TMEM161B: variants seen among roughly 807,000 people sequenced by gnomAD.
TMEM161B encodes transmembrane protein 161B.
TMEM161B carries 34 observed loss-of-function variants against 61.8 expected under a neutral mutation model. The observed-to-expected ratio is 0.55, with a 90% CI of 0.42 to 0.73. The LOEUF is 0.73. Among genes scored for constraint, TMEM161B ranks in the 30% least tolerant of loss-of-function variants. The probability of loss-of-function intolerance (pLI) is 0.00; values close to 1 mark genes in which losing one functional copy is unlikely to be tolerated. For synonymous variants in TMEM161B, 167 were observed against 192.8 expected (o/e 0.87, Z 1.11); for missense variants, 456 against 558.5 (o/e 0.82, Z 1.85).
At chr5:88,243,082 CTTAT>C (rs1195931747) in intron 1 of TMEM161B, among the ~76,000 whole-genome samples, 5 of 151,656 alleles carry the variant, frequency 3.3e-5, no homozygotes, top group African/African-American at 7.3e-5. Context: ...GACCATTTTA[CTTAT>C]TTATTTAACT....
In TMEM161B at chr5:88,195,724, T is replaced by A; in HGVS notation, c.*487A>T. 1.0e-6 allele frequency: 1 copy of A among 986,706 alleles called. No homozygotes were observed. The allele number at this position is 986,706 out of a possible 1,614,324, so 61.1% of individuals were successfully genotyped here. On this transcript the variant is annotated 3_prime_UTR_variant, in exon 12 of 12. Coordinates refer to ENST00000296595, the MANE Select transcript of TMEM161B (RefSeq NM_153354.5). ...AGCTATCTCTTCCTTTCTGTTGGAT[T>A]TTATTGTTTCAAGAGTAACTAATAA... is the stretch of plus-strand genomic sequence containing the variant.
chr5:88,202,291 CTGTT>C (rs1029311196), intron 9 of TMEM161B: 9 of 279,262 alleles, frequency 3.2e-5, no homozygotes, highest in African/African-American at 1.3e-4. Flanking sequence ...TATTAATAAA[CTGTT>C]TGTTTCCTCA....
intron 1 of TMEM161B, among the ~76,000 whole-genome samples, chr5:88,268,518 G>T (rs555839499): frequency 4.6e-5 from 7 of 152,262 alleles, no homozygotes; most frequent in African/African-American, 1.7e-4. Context: ...CCTCCGGCCC[G>T]CTAGTCTCCC....
chr5:88,259,679 G>A (rs1755448265), intron 1 of TMEM161B, among the ~76,000 whole-genome samples: 1 of 152,202 alleles, frequency 6.6e-6, no homozygotes, highest in African/African-American at 2.4e-5. Flanking sequence ...AGTGGCAGAT[G>A]TGTTTGACAC....
At chr5:88,191,635 A>T (rs1321327320), downstream of TMEM161B, among the ~76,000 whole-genome samples, 1 of 152,080 alleles carries the variant, frequency 6.6e-6, no homozygotes, top group Non-Finnish European at 1.5e-5. Context: ...TTTTTCTCAT[A>T]ACACAGAGAA....
intron 2 of TMEM161B, among the ~76,000 whole-genome samples, chr5:88,234,062 G>T (rs546751659): frequency 3.4e-4 from 52 of 152,216 alleles, no homozygotes; most frequent in African/African-American, 1.2e-3. Context: ...GGATATGGAG[G>T]GGCTTTGTTT....
Position 88,205,989 on chromosome 5 carries a change from T to G in TMEM161B, c.660-35A>C, listed in dbSNP as rs983639397. On this transcript the variant is annotated intron_variant, in intron 7 of 11. Transcript: ENST00000296595. ...AAATTTTTTAAAAAGCTGATAAATTTTTATAATTAGCTTTTGAAGAATTTC... is the reference window on the plus strand; with the variant it reads ...AAATTTTTTAAAAAGCTGATAAATTGTTATAATTAGCTTTTGAAGAATTTC... The G allele has an allele frequency of 5.5e-6, 8 of 1,444,478 alleles. No individual in the cohort carries two copies. In the African/African-American group the frequency reaches 1.2e-4, roughly 21 times the overall value. The allele number at this position is 1,444,478 out of a possible 1,614,324, so 89.5% of individuals were successfully genotyped here.
chr5:88,198,941 G>C (rs201979142), intron 10 of TMEM161B, 35 bp downstream of exon 10: 73 of 1,529,864 alleles, frequency 4.8e-5, no homozygotes, highest in Non-Finnish European at 6.1e-5. Context: ...TGCGGTTTTT[G>C]CTATTTTTCA....
At chr5:88,240,728 T>C in intron 2 of TMEM161B, 85 bp downstream of exon 2, 1 of 1,094,190 alleles carries the variant, frequency 9.1e-7, no homozygotes, top group Non-Finnish European at 1.4e-6. Context: ...TTGTTAAAGT[T>C]TTAGAAACAG....
chr5:88,222,518 G>A (rs1313796789), intron 4 of TMEM161B, among the ~76,000 whole-genome samples: 2 of 151,784 alleles, frequency 1.3e-5, no homozygotes, highest in Non-Finnish European at 2.9e-5. Context: ...CTGGAAGGAG[G>A]TCAGGGAAGT....
intron 1 of TMEM161B, among the ~76,000 whole-genome samples, chr5:88,261,658 C>A: frequency 1.2e-5 from 1 of 84,890 alleles, no homozygotes; most frequent in African/African-American, 4.5e-5. Context: ...AGGGCACAGG[C>A]AATACAATGG....
Position 88,247,700 on chromosome 5 carries a change from A to G in TMEM161B, c.4-6784T>C, listed in dbSNP as rs144832092. On this transcript the variant is annotated intron_variant, in intron 1 of 11. Coordinates refer to ENST00000296595, the MANE Select transcript of TMEM161B (RefSeq NM_153354.5). ...AAAACTTAGAATTCACACTAGATGT[A>G]TTTAAACAAACCATCTTTGAACAAT... is the stretch of plus-strand genomic sequence containing the variant. 6.4e-3 allele frequency among the ~76,000 whole-genome samples: 981 copies of G among 152,232 alleles called. 9 individuals carry two copies. The highest frequency in any genetic ancestry group is 0.022 in the African/African-American group (918 of 41,548).
downstream of TMEM161B, among the ~76,000 whole-genome samples, chr5:88,189,284 A>AT (rs1393031183): frequency 2.0e-5 from 3 of 152,040 alleles, no homozygotes; most frequent in Admixed American, 2.0e-4. Flanking sequence ...CAAGTCCAAA[A>AT]TTTAAAAAAA....
At chr5:88,255,872 C>T (rs1370690350) in intron 1 of TMEM161B, among the ~76,000 whole-genome samples, 1 of 152,020 alleles carries the variant, frequency 6.6e-6, no homozygotes, top group Non-Finnish European at 1.5e-5. Context: ...TGCCTAGATA[C>T]ATTCTAAATT....
chr5:88,196,362 TGTGTAA>T lies in TMEM161B; in HGVS notation c.1307_1312del (p.Val436_Gln438delinsGlu). 1.2e-6 allele frequency: 2 copies of T among 1,613,418 alleles called. No individual in the cohort carries two copies. Among genetic ancestry groups the T allele is most frequent in the South Asian group, 2.2e-5 (2 of 91,062 alleles). On this transcript the variant is annotated inframe_deletion, in exon 12 of 12. Coordinates refer to ENST00000296595, the MANE Select transcript of TMEM161B (RefSeq NM_153354.5). ...TAAGCTGCTCAGTGCCACTGTTATTTGTGTAACAGTTACCTTCATTTTCCCTTCAGC... is the reference window on the plus strand; with the variant it reads ...TAAGCTGCTCAGTGCCACTGTTATTTCAGTTACCTTCATTTTCCCTTCAGC...
At chr5:88,202,311 T>A (rs3099435) in intron 9 of TMEM161B, 138,311 of 260,384 alleles carry the variant, frequency 0.53, 40,480 homozygotes, top group East Asian at 0.77. Context: ...CCTCACCATC[T>A]TCTTCTGCTA....
intron 1 of TMEM161B, among the ~76,000 whole-genome samples, chr5:88,253,615 CT>C (rs1754622499): frequency 6.6e-6 from 1 of 152,078 alleles, no homozygotes; most frequent in Non-Finnish European, 1.5e-5. Flanking sequence ...TCTGCAAGTA[CT>C]TGGAAATAAT....
chr5:88,254,830 C>G (rs1201231127), intron 1 of TMEM161B, among the ~76,000 whole-genome samples: 1 of 150,386 alleles, frequency 6.6e-6, no homozygotes, highest in East Asian at 1.9e-4. Flanking sequence ...AAAGTGAGAC[C>G]CTCTGTAACT....
chr5:88,209,149 C>T (rs1746187806), intron 5 of TMEM161B, among the ~76,000 whole-genome samples: 1 of 152,094 alleles, frequency 6.6e-6, no homozygotes, highest in African/African-American at 2.4e-5. Context: ...CTGTATCAAA[C>T]AATACAGGTC....
Sources: gnomAD v4.1 joint callset for allele counts (sites outside exome capture counted in the v4.1 genomes callset) on GRCh38, gnomAD v4.1.1 for gene constraint, MANE v1.5 for transcripts, NCBI Gene and HGNC (gene_info 2026-07-23, HGNC 2026-07-21) for gene names.